Variants in DST observed in about 807,000 individuals in gnomAD.
DST encodes bullous pemphigoid antigen.
DST carries 253 observed loss-of-function variants against 875.2 expected under a neutral mutation model. That is an observed-to-expected ratio of 0.29 (90% confidence interval 0.26 to 0.32). The LOEUF is 0.32. Among genes scored for constraint, DST ranks in the 10% least tolerant of loss-of-function variants. The probability of loss-of-function intolerance (pLI) is 1.00; values close to 1 mark genes in which losing one functional copy is unlikely to be tolerated. For synonymous variants in DST, 3,124 were observed against 3,197.1 expected (o/e 0.98, Z 0.77); for missense variants, 8,287 against 9,111.6 (o/e 0.91, Z 3.68).
rs1271730340 is a variant in DST, at chr6:56,650,915, T to A, written c.1434+11A>T. 1 of 1,561,870 alleles carries A rather than the reference T, an allele frequency of 6.4e-7. No individual in the cohort carries two copies. Among genetic ancestry groups the A allele is most frequent in the Admixed American group, 1.7e-5 (1 of 58,044 alleles). ...ATCAACAGCTTCCGGTGTGGAAAAA[T>A]CAATACTCACATTTGCACCAATGCC... is the stretch of plus-strand genomic sequence containing the variant. On this transcript the variant is annotated intron_variant, in intron 12 of 103. Transcript: ENST00000680361.
At chr6:56,565,524 C>T (rs2097657878) in intron 55 of DST, among the ~76,000 whole-genome samples, 1 of 152,110 alleles carries the variant, frequency 6.6e-6, no homozygotes, top group Non-Finnish European at 1.5e-5. Flanking sequence ...TGGTCCTGGG[C>T]TTTTTTTGGT....
chr6:56,636,197 T>C (rs1158297997), intron 23 of DST, among the ~76,000 whole-genome samples: 1 of 151,464 alleles, frequency 6.6e-6, no homozygotes, highest in Middle Eastern at 3.4e-3. Context: ...TCATAGGACA[T>C]AAAACCAACT....
rs776119419 is a variant in DST at position 56,497,972 on chromosome 6, C to T, written c.19978G>A (p.Ala6660Thr). Residue 6660 changes from alanine to threonine, a missense_variant, in exon 81 of 104, where the codon GCA becomes ACA. Physicochemically the swap from Ala to Thr is moderately conservative, Grantham distance 58. Coordinates refer to ENST00000680361, the MANE Select transcript of DST (RefSeq NM_001374736.1). Reference sequence around the variant, plus strand: ...TGAAGGTTGCTTGCTTCTTCTCCTGCACTTGATTCAATTAGATCATTTCCT... The same window carrying T: ...TGAAGGTTGCTTGCTTCTTCTCCTGTACTTGATTCAATTAGATCATTTCCT... ...KAGNDLIESS[A>T]GEEASNLQNK... 1 of 1,613,540 alleles carries T rather than the reference C, an allele frequency of 6.2e-7. No individual in the cohort carries two copies. The highest frequency in any genetic ancestry group is 8.5e-7 in the Non-Finnish European group (1 of 1,179,600).
Position 56,954,397 on chromosome 6 carries a change from C to A in DST, c.181+10G>T, listed in dbSNP as rs374719750. On this transcript the variant is annotated intron_variant, in intron 1 of 103. Coordinates refer to ENST00000680361, the MANE Select transcript of DST (RefSeq NM_001374736.1). ...GGTAGCCCGCAGAAACCCGTCGCGG[C>A]GTGTCTTACCTCGGCTTCTTGAACG... 2.9e-5 allele frequency: 39 copies of A among 1,363,954 alleles called. No homozygotes were observed. Among genetic ancestry groups the A allele is most frequent in the Non-Finnish European group, 3.6e-5 (37 of 1,020,198 alleles). 84.5% of individuals were successfully genotyped at this position (1,363,954 alleles called of 1,614,324 possible).
intron 3 of DST, among the ~76,000 whole-genome samples, chr6:56,896,471 C>A (rs1021775759): frequency 6.6e-6 from 1 of 152,170 alleles, no homozygotes; most frequent in African/African-American, 2.4e-5. Flanking sequence ...CCATGTGGAA[C>A]TGTAAGTCCA....
intron 4 of DST, among the ~76,000 whole-genome samples, chr6:56,741,074 T>C (rs1444165617): frequency 2.0e-5 from 3 of 152,194 alleles, no homozygotes; most frequent in African/African-American, 7.2e-5. Context: ...ACTGGTCCTA[T>C]AGTTCAAGGA....
At chr6:56,796,799 G>T in intron 4 of DST, among the ~76,000 whole-genome samples, 1 of 151,990 alleles carries the variant, frequency 6.6e-6, no homozygotes, top group African/African-American at 2.4e-5. Flanking sequence ...AAGGAGGAAG[G>T]AAGGAAGGAG....
intron 4 of DST, among the ~76,000 whole-genome samples, chr6:56,819,937 CAAAT>C (rs936957040): frequency 2.6e-5 from 4 of 152,266 alleles, no homozygotes; most frequent in East Asian, 1.9e-4. Flanking sequence ...AAATAAAACT[CAAAT>C]AAAATCCAAA....
Position 56,954,426 on chromosome 6 carries a change from C to G in DST, c.162G>C (p.Ser54=), listed in dbSNP as rs371865773. 30 of 1,367,164 alleles carry G rather than the reference C, an allele frequency of 2.2e-5. No homozygotes were observed. The African/African-American group carries it at 4.3e-4, about 20-fold the overall frequency. 84.7% of individuals were successfully genotyped at this position (1,367,164 alleles called of 1,614,324 possible). The change falls in exon 1 of 104, where the codon TCG becomes TCC. Residue 54 remains serine, a synonymous_variant. Coordinates refer to ENST00000680361, the MANE Select transcript of DST (RefSeq NM_001374736.1). ...TCTTACCTCGGCTTCTTGAACGACC[C>G]GAGAAGACCGATTTCATCGGATGCC... is the stretch of plus-strand genomic sequence containing the variant. ...KGRHPMKSVF[S]GRSRSRDAVL... is the part of the protein sequence containing the mutation.
intron 9 of DST, among the ~76,000 whole-genome samples, chr6:56,686,570 A>C (rs765801286): frequency 1.3e-5 from 2 of 152,178 alleles, no homozygotes; most frequent in Non-Finnish European, 2.9e-5. Context: ...ACAAAGTTTT[A>C]AGCTAACTAT....
intron 63 of DST, 78 bp downstream of exon 63, chr6:56,535,042 TAA>T (rs2096968614): frequency 2.0e-6 from 3 of 1,513,236 alleles, no homozygotes; most frequent in East Asian, 2.3e-5. Context: ...TCCTATTAAT[TAA>T]AAGAGTCACA....
chr6:56,641,837 C>A, intron 17 of DST, 110 bp downstream of exon 17: 3 of 864,276 alleles, frequency 3.5e-6, no homozygotes, highest in Non-Finnish European at 3.4e-6. Context: ...AACTAAAAAA[C>A]AGCAAAGAAA....
chr6:56,954,307 C>CT, intron 1 of DST, 100 bp downstream of exon 1: 1 of 929,876 alleles, frequency 1.1e-6, no homozygotes, highest in Non-Finnish European at 1.5e-6. Flanking sequence ...AATGATGGGG[C>CT]TAGGGGCAGC....
intron 3 of DST, among the ~76,000 whole-genome samples, chr6:56,889,983 C>A (rs1786555914): frequency 6.6e-6 from 1 of 152,162 alleles, no homozygotes; most frequent in Non-Finnish European, 1.5e-5. Context: ...AAGATTTCAT[C>A]CATATCTACC....
rs780300934 is a variant in DST, at chr6:56,954,539, A to G, written c.49T>C (p.Cys17Arg). The change falls in exon 1 of 104, where the codon TGT becomes CGT. Residue 17 changes from cysteine to arginine, a missense_variant. Physicochemically the swap from Cys to Arg is radical, Grantham distance 180. Coordinates refer to ENST00000680361, the MANE Select transcript of DST (RefSeq NM_001374736.1). ...AGAAGCAACAAGAGGAAGAGGGCAC[A>G]TTGGATGCTGTAGGGTCTCAGCAAG... ...LVLLRPYSIQCALFLLLLLLG... is the reference protein window; with the variant it reads ...LVLLRPYSIQRALFLLLLLLG... 2.2e-6 allele frequency: 3 copies of G among 1,367,430 alleles called. No individual in the cohort carries two copies. The highest frequency in any genetic ancestry group is 1.9e-5 in the Admixed American group (1 of 52,578). The allele number at this position is 1,367,430 out of a possible 1,614,324, so 84.7% of individuals were successfully genotyped here.
rs191828977 is a variant in DST at position 56,476,436 on chromosome 6, C to G, written c.21676-99G>C. 3.3e-3 allele frequency: 3,674 copies of G among 1,102,666 alleles called. 4 individuals are homozygous for G. Among genetic ancestry groups the G allele is most frequent in the Non-Finnish European group, 4.3e-3 (3,400 of 794,070 alleles). The allele number at this position is 1,102,666 out of a possible 1,614,324, so 68.3% of individuals were successfully genotyped here. A position where few individuals can be genotyped will look rare whatever the true frequency, so the allele number is the denominator to read the frequency against. ...AATTTTAAATGAAAATTAGGATCAT[C>G]CTGAGCTAGACCCATAATGCTTCTG... On this transcript the variant is annotated intron_variant, in intron 91 of 103. Transcript: ENST00000680361.
intron 8 of DST, 134 bp downstream of exon 8, chr6:56,701,754 T>A: frequency 1.8e-6 from 1 of 564,830 alleles, no homozygotes; most frequent in South Asian, 2.8e-5. Flanking sequence ...TTTTAAATAT[T>A]TGCTTCACCA....
chr6:56,759,301 A>G (rs1384628185), intron 4 of DST, among the ~76,000 whole-genome samples: 1 of 152,086 alleles, frequency 6.6e-6, no homozygotes, highest in Non-Finnish European at 1.5e-5. Context: ...GACAAAAAAA[A>G]TTAGCCAGGC....
intron 9 of DST, among the ~76,000 whole-genome samples, chr6:56,683,285 A>G (rs1235641394): frequency 6.6e-6 from 1 of 152,164 alleles, no homozygotes; most frequent in Non-Finnish European, 1.5e-5. Context: ...ATACACCTCG[A>G]ATAATATTGG....
Sources: gnomAD v4.1 joint callset for allele counts (sites outside exome capture counted in the v4.1 genomes callset) on GRCh38, gnomAD v4.1.1 for gene constraint, MANE v1.5 for transcripts, NCBI Gene and HGNC (gene_info 2026-07-23, HGNC 2026-07-21) for gene names.